The following KIZ variants were observed in gnomAD, a reference collection of about 807,000 sequenced individuals.
KIZ encodes the protein centrosomal protein kizuna.
A neutral mutation model predicts 79.6 loss-of-function variants in KIZ; 68 were observed. The ratio of observed to expected loss-of-function variants is 0.85; its 90% CI spans 0.70 to 1.05. The LOEUF (loss-of-function observed/expected upper bound fraction) is 1.05. Among genes scored for constraint, KIZ ranks in the 50% least tolerant of loss-of-function variants. KIZ has a pLI of 0.00. For missense variants in KIZ, 797 were observed against 800.4 expected, an observed-to-expected ratio of 1.00 and a Z score of 0.05; for synonymous variants, 280 against 281.8, an observed-to-expected ratio of 0.99 and a Z score of 0.06.
At chr20:21,239,738 C>G (rs1293772014) in intron 11 of KIZ, among the ~76,000 whole-genome samples, 1 of 152,194 alleles carries the variant, frequency 6.6e-6, no homozygotes, top group Non-Finnish European at 1.5e-5. Flanking sequence ...ACTGTGTCAT[C>G]CTGACTCCAC....
At chr20:21,168,592 C>G (rs2034061425) in intron 6 of KIZ, among the ~76,000 whole-genome samples, 2 of 152,232 alleles carry the variant, frequency 1.3e-5, no homozygotes, top group South Asian at 2.1e-4. Context: ...CTTTAAAGTT[C>G]ATATAGAACC....
chr20:21,192,811 G>A (rs149346186), intron 6 of KIZ, among the ~76,000 whole-genome samples: 9 of 152,306 alleles, frequency 5.9e-5, no homozygotes, highest in African/African-American at 2.2e-4. Flanking sequence ...AGGGGAAAAT[G>A]AATGGACTTG....
At chr20:21,220,720 C>G (rs1335897623) in intron 9 of KIZ, among the ~76,000 whole-genome samples, 2 of 152,158 alleles carry the variant, frequency 1.3e-5, no homozygotes, top group African/African-American at 4.8e-5. Flanking sequence ...CCTAAAGATA[C>G]CCACCCACCT....
intron 6 of KIZ, among the ~76,000 whole-genome samples, chr20:21,175,138 T>C (rs1476229736): frequency 6.6e-6 from 1 of 152,230 alleles, no homozygotes; most frequent in Non-Finnish European, 1.5e-5. Flanking sequence ...CTATGCATTA[T>C]ACTTCTGGAA....
intron 9 of KIZ, among the ~76,000 whole-genome samples, chr20:21,217,219 C>G (rs1479959675): frequency 1.3e-5 from 2 of 152,180 alleles, no homozygotes; most frequent in African/African-American, 4.8e-5. Context: ...AGTGTACTAT[C>G]CCCACCCAGG....
chr20:21,239,784 G>T (rs1224287867), intron 11 of KIZ, among the ~76,000 whole-genome samples: 1 of 152,112 alleles, frequency 6.6e-6, no homozygotes, highest in Non-Finnish European at 1.5e-5. Flanking sequence ...GGCTGCTCTC[G>T]GATAAAACCT....
At chr20:21,225,978 TA>T (rs1333250717) in intron 9 of KIZ, 3 of 152,268 alleles carry the variant, frequency 2.0e-5, no homozygotes, top group Non-Finnish European at 4.4e-5. Flanking sequence ...AAGCTTTTCC[TA>T]ACATCTAGCT....
At chr20:21,185,368 G>A (rs1230992997) in intron 6 of KIZ, among the ~76,000 whole-genome samples, 1 of 144,194 alleles carries the variant, frequency 6.9e-6, no homozygotes, top group Non-Finnish European at 1.5e-5. Flanking sequence ...TTTCTTTACT[G>A]TAGTGATTCT....
At chr20:21,205,666 A>G (rs1484111716) in intron 7 of KIZ, 82 bp downstream of exon 7, 1 of 652,714 alleles carries the variant, frequency 1.5e-6, no homozygotes, top group East Asian at 3.1e-5. Flanking sequence ...TTTAAAAAAA[A>G]AAAAAAAAAG....
intron 6 of KIZ, among the ~76,000 whole-genome samples, chr20:21,175,617 TCCCCTCCCCCATAC>T (rs2034400505): frequency 6.6e-6 from 1 of 151,950 alleles, no homozygotes; most frequent in Admixed American, 6.6e-5. Context: ...ATAAAAGGCT[TCCCCTCCCCCATAC>T]CTTGCCACCA....
At chr20:21,164,711 GA>G (rs2033848662) in intron 6 of KIZ, among the ~76,000 whole-genome samples, 1 of 98,192 alleles carries the variant, frequency 1.0e-5, no homozygotes, top group Non-Finnish European at 2.6e-5. Context: ...CCATTCGAAT[GA>G]CTTTTTTTTT....
At chr20:21,222,910 G>T (rs2036546257) in intron 9 of KIZ, among the ~76,000 whole-genome samples, 2 of 152,326 alleles carry the variant, frequency 1.3e-5, no homozygotes, top group South Asian at 2.1e-4. Context: ...GAGGACATGA[G>T]TTTGTCGGGT....
chr20:21,175,252 G>A (rs1416155461), intron 6 of KIZ, among the ~76,000 whole-genome samples: 3 of 152,120 alleles, frequency 2.0e-5, no homozygotes, highest in African/African-American at 7.2e-5. Context: ...AGCTCACCTA[G>A]TTTCTGAAAA....
chr20:21,229,196 T>G, intron 10 of KIZ, 81 bp downstream of exon 10: 6 of 773,846 alleles, frequency 7.8e-6, no homozygotes, highest in Non-Finnish European at 1.3e-5. Flanking sequence ...TTATTCTTTA[T>G]GAAGGTTTCT....
chr20:21,138,116 C>T (rs528834399), intron 3 of KIZ, among the ~76,000 whole-genome samples: 1 of 152,166 alleles, frequency 6.6e-6, no homozygotes, highest in South Asian at 2.1e-4. Flanking sequence ...CCCACTTCTC[C>T]CAAAAAGTAA....
In KIZ at chr20:21,156,147, T is replaced by C. The variant is rs80197111; in HGVS notation, c.406-5724T>C. On this transcript the variant is annotated intron_variant, in intron 4 of 12. Coordinates refer to ENST00000619189, the MANE Select transcript of KIZ (RefSeq NM_018474.6). ...GCAGAGATAGTACAAAGTGTTCCCTTGGATCCCTCACCTAGTTTCCACCAT... is the reference window on the plus strand; with the variant it reads ...GCAGAGATAGTACAAAGTGTTCCCTCGGATCCCTCACCTAGTTTCCACCAT... Among the ~76,000 whole-genome samples the C allele has an allele frequency of 7.6e-3, 1,164 of 152,324 alleles. 5 individuals are homozygous for C. Among genetic ancestry groups the C allele is most frequent in the Non-Finnish European group, 0.013 (851 of 68,018 alleles).
chr20:21,145,567 C>T lies in KIZ; in HGVS notation c.318C>T (p.Leu106=), dbSNP rs1477553904. The change falls in exon 4 of 13, where the codon CTC becomes CTT. Residue 106 remains leucine (L), a splice_region_variant and synonymous_variant. Transcript: ENST00000619189. ...AATCAAACTTTCTTTATATTTAGCT[C>T]GAATATGAGACTCAAATTAAGAAGA... ...TNTEKLQKLK[L]EYETQIKKML... The T allele has an allele frequency of 9.6e-6, 14 of 1,459,086 alleles. No individual in the cohort carries two copies. Among genetic ancestry groups the T allele is most frequent in the Middle Eastern group, 1.7e-4 (1 of 5,786 alleles). 90.4% of individuals were successfully genotyped at this position (1,459,086 alleles called of 1,614,324 possible).
intron 4 of KIZ, among the ~76,000 whole-genome samples, chr20:21,159,216 A>C (rs2033540031): frequency 6.6e-6 from 1 of 151,828 alleles, no homozygotes; most frequent in Non-Finnish European, 1.5e-5. Flanking sequence ...ATGGAGTCTC[A>C]CTATGTTGCC....
At chr20:21,163,187 T>C (rs778077673) in intron 6 of KIZ, 28 bp downstream of exon 6, 27 of 1,483,758 alleles carry the variant, frequency 1.8e-5, no homozygotes, top group Non-Finnish European at 2.4e-5. Context: ...TTTTTTCTAC[T>C]GTTCTGTTTT....
Sources: gnomAD v4.1 joint callset for allele counts (sites outside exome capture counted in the v4.1 genomes callset) on GRCh38, gnomAD v4.1.1 for gene constraint, MANE v1.5 for transcripts, NCBI Gene and HGNC (gene_info 2026-07-23, HGNC 2026-07-21) for gene names.